The following SWI5 variants were observed in gnomAD, a reference collection of about 807,000 sequenced individuals.
The protein encoded by SWI5 is SWI5 homologous recombination repair protein, also known as DNA repair protein SWI5 homolog.
SWI5 carries 12 observed loss-of-function variants against 17.0 expected under a neutral mutation model. The ratio of observed to expected loss-of-function variants is 0.71; its 90% CI spans 0.45 to 1.14. The LOEUF (loss-of-function observed/expected upper bound fraction) is 1.14. Ranked by LOEUF, SWI5 falls within the 50% of genes most tolerant of loss-of-function variation. SWI5 has a pLI of 0.00. For synonymous variants in SWI5, 61 were observed against 64.0 expected, an observed-to-expected ratio of 0.95 and a Z score of 0.22; for missense variants, 158 against 162.2, an observed-to-expected ratio of 0.97 and a Z score of 0.14.
chr9:128,280,470 C>G (rs1831515685), intron 2 of SWI5, among the ~76,000 whole-genome samples: 1 of 151,296 alleles, frequency 6.6e-6, no homozygotes, highest in Non-Finnish European at 1.5e-5. Context: ...TGCCTCTTCT[C>G]CTTTCTAATA....
In SWI5 at chr9:128,285,275, G is replaced by A. The variant is rs530406738; in HGVS notation, c.233+644G>A. On this transcript the variant is annotated intron_variant, in intron 3 of 4. Coordinates refer to ENST00000418976, the Ensembl canonical transcript of SWI5. The surrounding 1 kb of genome is among the most constrained non-coding windows in gnomAD (Gnocchi z 4.8). Reference sequence around the variant, plus strand: ...GGGGGAAGGAAAGGGAAGGAAGGAAGGGAAAGGAAGGAAGGAAGGAAAGGA... The same window carrying A: ...GGGGGAAGGAAAGGGAAGGAAGGAAAGGAAAGGAAGGAAGGAAGGAAAGGA... 6.6e-6 allele frequency among the ~76,000 whole-genome samples: 1 copy of A among 150,892 alleles called. No homozygotes were observed. The highest frequency in any genetic ancestry group is 2.4e-5 in the African/African-American group (1 of 41,100).
chr9:128,287,452 CAAA>C (rs1331481026), intron 4 of SWI5, among the ~76,000 whole-genome samples: 3 of 105,636 alleles, frequency 2.8e-5, no homozygotes, highest in African/African-American at 3.5e-5. Context: ...GACTCCATCT[CAAA>C]AAAAAAAAAA....
chr9:128,276,150 A>C (rs56321718), upstream of SWI5: 15,604 of 1,567,252 alleles, frequency 1.0e-2, 1,274 homozygotes, highest in African/African-American at 0.18. Flanking sequence ...GTGGCTATGC[A>C]GCGGCGTGGC....
intron 2 of SWI5, among the ~76,000 whole-genome samples, chr9:128,279,060 G>A (rs976926858): frequency 2.0e-5 from 3 of 152,116 alleles, no homozygotes; most frequent in African/African-American, 7.2e-5. Context: ...ATGAGCCACC[G>A]TGCCTGGGCT....
In SWI5 at chr9:128,283,493, T is replaced by C. The variant is rs1831578630; in HGVS notation, c.112-1017T>C. Among the ~76,000 whole-genome samples, 3 of 86,928 alleles carry C rather than the reference T, an allele frequency of 3.5e-5. No individual in the cohort carries two copies. In the Admixed American group the frequency reaches 4.5e-4, roughly 13 times the overall value. The allele number at this position is 86,928 out of a possible 152,430, so 57.0% of individuals were successfully genotyped here. A position where few individuals can be genotyped will look rare whatever the true frequency, so the allele number is the denominator to read the frequency against. On this transcript the variant is annotated intron_variant, in intron 2 of 4. Coordinates refer to ENST00000418976, the Ensembl canonical transcript of SWI5. ...GCCTGGGCGACAGAGTGAGACTCCG[T>C]CTCCAAAAACAACAACAACAACAAC...
intron 1 of SWI5, 122 bp downstream of exon 1, chr9:128,276,524 A>G (rs1431310226): frequency 5.7e-6 from 9 of 1,568,518 alleles, no homozygotes; most frequent in Non-Finnish European, 7.8e-6. Context: ...CCCCCGTCTC[A>G]GAACGCCCCC....
At chr9:128,287,419 C>T (rs1831660986) in intron 4 of SWI5, among the ~76,000 whole-genome samples, 1 of 149,542 alleles carries the variant, frequency 6.7e-6, no homozygotes, top group Admixed American at 6.7e-5. Flanking sequence ...CACCACTGTA[C>T]TCCAGCCTGG....
chr9:128,287,949 A>G (rs944749775), intron 4 of SWI5, among the ~76,000 whole-genome samples: 1 of 152,120 alleles, frequency 6.6e-6, no homozygotes, highest in Non-Finnish European at 1.5e-5. Flanking sequence ...GGTGAACCAG[A>G]CAATTTAAAG....
At position 128,285,958 on chromosome 9, in the gene SWI5, C is replaced by G. The variant is rs181886058; in HGVS notation, c.253C>G (p.Leu85Val). Residue 85 changes from leucine to valine, a missense_variant, in exon 4 of 5, where the codon CTG becomes GTG. Coordinates refer to ENST00000418976, the Ensembl canonical transcript of SWI5. This position sits in a 1 kb window ranked among gnomAD's most constrained non-coding sequence, Gnocchi z 4.8. ...TCCCAGAGGCTACAGTGTGGATGAA[C>G]TGGAGGACCACATTACCCAGCTTCA... The G allele has an allele frequency of 2.5e-6, 4 of 1,614,052 alleles. No homozygotes were observed. The highest frequency in any genetic ancestry group is 2.7e-5 in the African/African-American group (2 of 75,046).
At chr9:128,288,525 G>A (rs2131427400) in intron 4 of SWI5, 127 bp from the exon 5 acceptor site, 2 of 943,774 alleles carry the variant, frequency 2.1e-6, no homozygotes, top group Middle Eastern at 2.7e-4. Flanking sequence ...AGGCACAAGT[G>A]TGGGGACTGG....
chr9:128,287,556 C>CT, intron 4 of SWI5, among the ~76,000 whole-genome samples: 2 of 145,298 alleles, frequency 1.4e-5, no homozygotes, highest in South Asian at 2.1e-4. Flanking sequence ...GTGGCCTATC[C>CT]CTTTTTTTTT....
chr9:128,276,642 A>C, intron 1 of SWI5, 65 bp from the exon 2 acceptor site: 1 of 1,613,172 alleles, frequency 6.2e-7, no homozygotes, highest in Non-Finnish European at 8.5e-7. Flanking sequence ...CCGCATCCCC[A>C]CAGTACCCCG....
intron 2 of SWI5, chr9:128,278,496 G>A (rs931518993): frequency 5.4e-6 from 2 of 370,274 alleles, no homozygotes; most frequent in African/African-American, 4.3e-5. Flanking sequence ...GAACCCAGGG[G>A]GTGGAGGTTG....
intron 4 of SWI5, among the ~76,000 whole-genome samples, chr9:128,288,420 G>T (rs1831681852): frequency 6.6e-6 from 1 of 152,328 alleles, no homozygotes; most frequent in South Asian, 2.1e-4. Flanking sequence ...TGAATACAGT[G>T]GCTGGCACAT....
chr9:128,288,341 C>T (rs937868624), intron 4 of SWI5, among the ~76,000 whole-genome samples: 21 of 152,206 alleles, frequency 1.4e-4, no homozygotes, highest in African/African-American at 5.1e-4. Context: ...AGAATGGAAT[C>T]GAGGAAGCTC....
chr9:128,278,784 T>G, intron 2 of SWI5: 1 of 426,968 alleles, frequency 2.3e-6, no homozygotes, highest in Non-Finnish European at 4.7e-6. Context: ...TTTGTTTTTT[T>G]TTATTTGAGA....
In SWI5 at chr9:128,285,153, G is replaced by A. The variant is rs944046353; in HGVS notation, c.233+522G>A. On this transcript the variant is annotated intron_variant, in intron 3 of 4. Coordinates refer to ENST00000418976, the Ensembl canonical transcript of SWI5. The surrounding 1 kb of genome is among the most constrained non-coding windows in gnomAD (Gnocchi z 4.8). ...CTGCACTCCAGCCTGGCTACAGAGC[G>A]AGACTTGGTAAAGAAAGAGAAAGAG... Among the ~76,000 whole-genome samples, 10 of 151,426 alleles carry A rather than the reference G, an allele frequency of 6.6e-5. No homozygotes were observed. The highest frequency in any genetic ancestry group is 2.2e-4 in the African/African-American group (9 of 41,138).
intron 4 of SWI5, among the ~76,000 whole-genome samples, chr9:128,287,947 A>G (rs1588509382): frequency 6.6e-6 from 1 of 152,118 alleles, no homozygotes; most frequent in South Asian, 2.1e-4. Flanking sequence ...TGGGTGAACC[A>G]GACAATTTAA....
chr9:128,282,868 T>C (rs1453442799), intron 2 of SWI5, among the ~76,000 whole-genome samples: 2 of 152,256 alleles, frequency 1.3e-5, no homozygotes, highest in African/African-American at 2.4e-5. Context: ...GGAAGGGTTT[T>C]ATCCAATGAG....
Sources: gnomAD v4.1 joint callset for allele counts (sites outside exome capture counted in the v4.1 genomes callset) on GRCh38, gnomAD v4.1.1 for gene constraint, Gnocchi (gnomAD v3.1) non-coding constraint, MANE v1.5 for transcripts, NCBI Gene and HGNC (gene_info 2026-07-23, HGNC 2026-07-21) for gene names.